Variants in NEURL1B observed in about 807,000 individuals in gnomAD.
The protein encoded by NEURL1B is E3 ubiquitin-protein ligase NEURL1B.
A neutral mutation model predicts 37.4 loss-of-function variants in NEURL1B; 13 were observed. That is an observed-to-expected ratio of 0.35 (90% CI 0.23 to 0.55). The LOEUF is 0.55. Ranked by LOEUF, NEURL1B falls within the 20% of genes least tolerant of loss-of-function variation. The probability of loss-of-function intolerance (pLI) is 0.89; values close to 1 mark genes in which losing one functional copy is unlikely to be tolerated. For synonymous variants in NEURL1B, 432 were observed against 426.6 expected, an observed-to-expected ratio of 1.01 and a Z score of -0.16; for missense variants, 790 against 879.2, an observed-to-expected ratio of 0.90 and a Z score of 1.28.
Position 172,670,974 on chromosome 5 carries a change from G to A in NEURL1B, c.577+644G>A, listed in dbSNP as rs552061160. On this transcript the variant is annotated intron_variant, in intron 2 of 4. Transcript: ENST00000369800. ...TCTCACGGAGGAGGCAGCGGCTAAT[G>A]CCCAAATCCTGATGGTGAGAATTCA... Among the ~76,000 whole-genome samples, 4 of 152,334 alleles carry A rather than the reference G, an allele frequency of 2.6e-5. No individual in the cohort carries two copies. The East Asian group carries it at 7.7e-4, about 29-fold the overall frequency.
Position 172,687,041 on chromosome 5 carries a change from G to A in NEURL1B, c.*116G>A, listed in dbSNP as rs916795580. The A allele has an allele frequency of 8.0e-7, 1 of 1,251,470 alleles. No homozygotes were observed. The highest frequency in any genetic ancestry group is 1.1e-6 in the Non-Finnish European group (1 of 918,766). 77.5% of individuals were successfully genotyped at this position (1,251,470 alleles called of 1,614,324 possible). ...GGGCAGCGGCCATCTCTCCAGTGGT[G>A]GGCAAGGTGTGACAGTCGTGGAGCG... On this transcript the variant is annotated 3_prime_UTR_variant, in exon 5 of 5. Transcript: ENST00000369800.
Position 172,647,289 on chromosome 5 carries a change from C to T in NEURL1B, c.31+5852C>T, listed in dbSNP as rs117682381. Among the ~76,000 whole-genome samples the T allele has an allele frequency of 5.9e-4, 90 of 152,264 alleles. No individual in the cohort carries two copies. In the East Asian group the frequency reaches 0.011, roughly 18 times the overall value. On this transcript the variant is annotated intron_variant, in intron 1 of 4. Coordinates refer to ENST00000369800, the MANE Select transcript of NEURL1B (RefSeq NM_001142651.3). The surrounding 1 kb of genome is among the most constrained non-coding windows in gnomAD (Gnocchi z 4.2). The stretch of plus-strand genomic sequence containing the variant: ...AGGTCGCAGCCCGACAGGTAGCACA[C>T]GCTCACCTGGGCAGTGTCGCGGGGT...
Position 172,669,914 on chromosome 5 carries a change from G to A in NEURL1B, c.161G>A (p.Gly54Asp). ...AAAGGCAAGAACGTGCGGCTGGACG[G>A]CCACTCGCGCCGGGCCACACGGCGC... ...QAKGKNVRLD[G>D]HSRRATRRNS... is the part of the protein sequence containing the mutation. The change falls in exon 2 of 5, where the codon GGC becomes GAC. Residue 54 changes from glycine (G) to aspartate (D), a missense_variant. By Grantham distance (94) the Gly-to-Asp change is moderately conservative. Transcript: ENST00000369800. 1 of 1,450,690 alleles carries A rather than the reference G, an allele frequency of 6.9e-7. No homozygotes were observed. The highest frequency in any genetic ancestry group is 9.0e-7 in the Non-Finnish European group (1 of 1,106,592). 89.9% of individuals were successfully genotyped at this position (1,450,690 alleles called of 1,614,324 possible).
In NEURL1B at chr5:172,683,759, C is replaced by T; in HGVS notation, c.918C>T (p.Gly306=). The change falls in exon 3 of 5, where the codon GGC becomes GGT. Residue 306 remains glycine, a synonymous_variant. Transcript: ENST00000369800. This position sits in a 1 kb window ranked among gnomAD's most constrained non-coding sequence, Gnocchi z 5.6. ...TGGCCTGCGCACCGCGGCCCGACGG[C>T]GGCCGCACGCTGGTCTTCTCCGAGC... ...RKVACAPRPD[G]GRTLVFSERP... The T allele has an allele frequency of 7.6e-7, 1 of 1,308,838 alleles. No homozygotes were observed. Among genetic ancestry groups the T allele is most frequent in the Non-Finnish European group, 9.8e-7 (1 of 1,023,922 alleles). 81.1% of individuals were successfully genotyped at this position (1,308,838 alleles called of 1,614,324 possible). A position where few individuals can be genotyped will look rare whatever the true frequency, so the allele number is the denominator to read the frequency against.
chr5:172,672,791 AAC>A (rs1480490799), intron 2 of NEURL1B, among the ~76,000 whole-genome samples: 3 of 152,174 alleles, frequency 2.0e-5, no homozygotes, highest in African/African-American at 7.2e-5. Flanking sequence ...ATCTGCAGGA[AAC>A]ACAAACATAT....
At chr5:172,655,857 C>T (rs1002201509) in intron 1 of NEURL1B, among the ~76,000 whole-genome samples, 2 of 152,080 alleles carry the variant, frequency 1.3e-5, no homozygotes, top group Non-Finnish European at 2.9e-5. Context: ...CCAGAGACCG[C>T]CCCCTGAGGG....
Position 172,665,977 on chromosome 5 carries a change from T to C in NEURL1B, c.32-3808T>C, listed in dbSNP as rs1412093357. Among the ~76,000 whole-genome samples the C allele has an allele frequency of 6.6e-6, 1 of 151,998 alleles. No homozygotes were observed. Among genetic ancestry groups the C allele is most frequent in the African/African-American group, 2.4e-5 (1 of 41,364 alleles). ...CAGAAAGAATAACTGGATGAAGAAA[T>C]GAATGAGCAGTGGAATGAACGTTTT... On this transcript the variant is annotated intron_variant, in intron 1 of 4. Coordinates refer to ENST00000369800, the MANE Select transcript of NEURL1B (RefSeq NM_001142651.3). The surrounding 1 kb of genome is among the most constrained non-coding windows in gnomAD (Gnocchi z 4.1).
Position 172,683,475 on chromosome 5 carries a change from G to T in NEURL1B, c.634G>T (p.Ala212Ser). The stretch of plus-strand genomic sequence containing the variant: ...GCGCCTCAGCCAGGCCCGCTTCAGC[G>T]CCTGCCTGCCGCCCAGCAGCCACGA... ...PARLSQARFS[A>S]CLPPSSHDAA... Residue 212 changes from alanine (A) to serine (S), a missense_variant, in exon 3 of 5, where the codon GCC becomes TCC. By Grantham distance (99) the Ala-to-Ser change is moderately conservative (BLOSUM62 1). Coordinates refer to ENST00000369800, the MANE Select transcript of NEURL1B (RefSeq NM_001142651.3). This position sits in a 1 kb window ranked among gnomAD's most constrained non-coding sequence, Gnocchi z 5.6. 1 of 1,488,340 alleles carries T rather than the reference G, an allele frequency of 6.7e-7. No homozygotes were observed. The highest frequency in any genetic ancestry group is 2.2e-5 in the Admixed American group (1 of 45,276). The allele number at this position is 1,488,340 out of a possible 1,614,324, so 92.2% of individuals were successfully genotyped here.
chr5:172,683,475 G>A lies in NEURL1B; in HGVS notation c.634G>A (p.Ala212Thr). Residue 212 changes from alanine (A) to threonine (T), a missense_variant, in exon 3 of 5, where the codon GCC (alanine) becomes ACC (threonine). By Grantham distance (58) the Ala-to-Thr change is moderately conservative. Transcript: ENST00000369800. The surrounding 1 kb of genome is among the most constrained non-coding windows in gnomAD (Gnocchi z 5.6). ...GCGCCTCAGCCAGGCCCGCTTCAGC[G>A]CCTGCCTGCCGCCCAGCAGCCACGA... ...PARLSQARFS[A>T]CLPPSSHDAA... 1 of 1,488,340 alleles carries A rather than the reference G, an allele frequency of 6.7e-7. No individual in the cohort carries two copies. Among genetic ancestry groups the A allele is most frequent in the Non-Finnish European group, 8.9e-7 (1 of 1,122,922 alleles). The allele number at this position is 1,488,340 out of a possible 1,614,324, so 92.2% of individuals were successfully genotyped here.
Position 172,661,497 on chromosome 5 carries a change from C to G in NEURL1B, c.32-8288C>G, listed in dbSNP as rs1445411461. Reference sequence around the variant, plus strand: ...CTGGTCCTCTCAGACCCTCAGTTTCCTCATCTGGGAAATCAAGGTGGTAAA... The same window carrying G: ...CTGGTCCTCTCAGACCCTCAGTTTCGTCATCTGGGAAATCAAGGTGGTAAA... On this transcript the variant is annotated intron_variant, in intron 1 of 4. Transcript: ENST00000369800. The surrounding 1 kb of genome is among the most constrained non-coding windows in gnomAD (Gnocchi z 4.0). 6.6e-6 allele frequency among the ~76,000 whole-genome samples: 1 copy of G among 152,230 alleles called. No individual in the cohort carries two copies. The highest frequency in any genetic ancestry group is 1.5e-5 in the Non-Finnish European group (1 of 68,036).
intron 1 of NEURL1B, among the ~76,000 whole-genome samples, chr5:172,645,957 C>T (rs1237773993): frequency 2.0e-5 from 3 of 152,204 alleles, no homozygotes; most frequent in Non-Finnish European, 4.4e-5. Flanking sequence ...TCTTTAATGA[C>T]ATAGAATTTT....
rs1757574931 is a variant in NEURL1B, at chr5:172,647,117, C to G, written c.31+5680C>G. Among the ~76,000 whole-genome samples, 1 of 152,184 alleles carries G rather than the reference C, an allele frequency of 6.6e-6. No homozygotes were observed. The highest frequency in any genetic ancestry group is 1.5e-5 in the Non-Finnish European group (1 of 68,044). ...GGCCGCTCAGAACAGGCTGTTTAAT[C>G]TCCCCCATGGAGAAGAGTCAGCTCT... On this transcript the variant is annotated intron_variant, in intron 1 of 4. Coordinates refer to ENST00000369800, the MANE Select transcript of NEURL1B (RefSeq NM_001142651.3). The surrounding 1 kb of genome is among the most constrained non-coding windows in gnomAD (Gnocchi z 4.2).
Position 172,686,037 on chromosome 5 carries a change from C to A in NEURL1B, c.1298-134C>A. On this transcript the variant is annotated intron_variant, in intron 3 of 4. Transcript: ENST00000369800. The surrounding 1 kb of genome is among the most constrained non-coding windows in gnomAD (Gnocchi z 7.9). ...ACACTGGGATGCACTCTTCACTCCTCAGCAGAACCCTGGGAGATACCTCTG... is the reference window on the plus strand; with the variant it reads ...ACACTGGGATGCACTCTTCACTCCTAAGCAGAACCCTGGGAGATACCTCTG... The A allele has an allele frequency of 9.4e-7, 1 of 1,067,240 alleles. No homozygotes were observed. The highest frequency in any genetic ancestry group is 2.6e-5 in the East Asian group (1 of 38,364). The allele number at this position is 1,067,240 out of a possible 1,614,324, so 66.1% of individuals were successfully genotyped here. A position where few individuals can be genotyped will look rare whatever the true frequency, so the allele number is the denominator to read the frequency against.
chr5:172,667,179 T>C (rs1581430006), intron 1 of NEURL1B, among the ~76,000 whole-genome samples: 1 of 150,636 alleles, frequency 6.6e-6, no homozygotes, highest in East Asian at 2.0e-4. Context: ...GGCTCATTCC[T>C]GTAATCCCAG....
At chr5:172,662,719 C>G (rs1021150754) in intron 1 of NEURL1B, among the ~76,000 whole-genome samples, 2 of 152,126 alleles carry the variant, frequency 1.3e-5, no homozygotes, top group African/African-American at 4.8e-5. Flanking sequence ...GGAAGCAGTT[C>G]TTATGTTGAC....
chr5:172,686,559 G>C lies in NEURL1B; in HGVS notation c.1424-122G>C, dbSNP rs979791946. On this transcript the variant is annotated intron_variant, in intron 4 of 4. Transcript: ENST00000369800. This position sits in a 1 kb window ranked among gnomAD's most constrained non-coding sequence, Gnocchi z 7.9. ...AAACCTGCAAGGTAAACTCAAATTA[G>C]TATCTCCCAAAAGTATTCTCCCACC... is the stretch of plus-strand genomic sequence containing the variant. 8.5e-7 allele frequency: 1 copy of C among 1,176,964 alleles called. No individual in the cohort carries two copies. Among genetic ancestry groups the C allele is most frequent in the African/African-American group, 1.5e-5 (1 of 65,022 alleles). 72.9% of individuals were successfully genotyped at this position (1,176,964 alleles called of 1,614,324 possible). A position where few individuals can be genotyped will look rare whatever the true frequency, so the allele number is the denominator to read the frequency against.
Position 172,683,110 on chromosome 5 carries a change from G to C in NEURL1B, c.578-309G>C, listed in dbSNP as rs1044951600. Among the ~76,000 whole-genome samples the C allele has an allele frequency of 6.6e-6, 1 of 152,146 alleles. No homozygotes were observed. Among genetic ancestry groups the C allele is most frequent in the Non-Finnish European group, 1.5e-5 (1 of 68,026 alleles). The stretch of plus-strand genomic sequence containing the variant: ...CGGAAAGAGGGAGAGAAGGGGAAAG[G>C]GTGGAGAGAAAAGGAGGGATGGAAG... On this transcript the variant is annotated intron_variant, in intron 2 of 4. Transcript: ENST00000369800. This position sits in a 1 kb window ranked among gnomAD's most constrained non-coding sequence, Gnocchi z 5.6.
chr5:172,679,072 C>T (rs1167369039), intron 2 of NEURL1B, among the ~76,000 whole-genome samples: 8 of 152,228 alleles, frequency 5.3e-5, no homozygotes, highest in Non-Finnish European at 1.0e-4. Flanking sequence ...GAGGCGGGGA[C>T]ATTAGGCCCG....
At chr5:172,684,796 C>T (rs912776982) in intron 3 of NEURL1B, among the ~76,000 whole-genome samples, 1 of 152,128 alleles carries the variant, frequency 6.6e-6, no homozygotes, top group Admixed American at 6.5e-5. Context: ...TCACAGACAC[C>T]CTAAAGGAGA....
Sources: allele counts gnomAD v4.1 joint callset (sites outside exome capture counted in the v4.1 genomes callset), GRCh38; gene constraint gnomAD v4.1.1; non-coding constraint Gnocchi (gnomAD v3.1); transcripts MANE v1.5; gene names NCBI Gene and HGNC (gene_info 2026-07-23, HGNC 2026-07-21).